ARHGEF28: variants seen among roughly 807,000 people sequenced by gnomAD.
ARHGEF28 encodes Rho guanine nucleotide exchange factor 28.
In ARHGEF28, 152 loss-of-function variants were observed where a neutral mutation model predicts 206.6. The observed-to-expected ratio is 0.74, with a 90% CI of 0.64 to 0.84. The LOEUF (loss-of-function observed/expected upper bound fraction) is 0.84. Ranked by LOEUF, ARHGEF28 falls within the 40% of genes least tolerant of loss-of-function variation. The pLI is 0.00. For missense variants in ARHGEF28, 2,028 were observed against 2,073.2 expected (o/e 0.98, Z 0.42); for synonymous variants, 763 against 776.4 (o/e 0.98, Z 0.29).
At chr5:73,867,530 G>A (rs1759786667) in intron 18 of ARHGEF28, among the ~76,000 whole-genome samples, 2 of 152,260 alleles carry the variant, frequency 1.3e-5, no homozygotes, top group East Asian at 1.9e-4. Flanking sequence ...ATAACACCTT[G>A]CAACTATTTA....
intron 7 of ARHGEF28, among the ~76,000 whole-genome samples, chr5:73,790,186 A>G (rs1045567613): frequency 1.3e-5 from 2 of 150,848 alleles, no homozygotes; most frequent in African/African-American, 2.4e-5. Context: ...TTTTTTTTCT[A>G]TTAGTGATAG....
intron 2 of ARHGEF28, among the ~76,000 whole-genome samples, chr5:73,721,913 C>G (rs761631136): frequency 2.1e-4 from 32 of 152,138 alleles, no homozygotes; most frequent in Non-Finnish European, 3.2e-4. Context: ...TAGAGATGCT[C>G]TTGGTATAAA....
chr5:73,718,956 C>T (rs568618657), intron 2 of ARHGEF28, among the ~76,000 whole-genome samples: 3 of 152,286 alleles, frequency 2.0e-5, no homozygotes, highest in East Asian at 3.9e-4. Flanking sequence ...CCTGGGCTGA[C>T]GCAAGAACAG....
intron 35 of ARHGEF28, among the ~76,000 whole-genome samples, chr5:73,928,743 T>C (rs16871052): frequency 0.017 from 2,563 of 152,254 alleles, 60 homozygotes; most frequent in African/African-American, 0.059. Flanking sequence ...ATAACTCTTT[T>C]AGTGTGGGTA....
chr5:73,654,345 G>A (rs776113512), intron 1 of ARHGEF28, among the ~76,000 whole-genome samples: 11 of 152,302 alleles, frequency 7.2e-5, no homozygotes, highest in Admixed American at 5.9e-4. Flanking sequence ...TGAGGCACTC[G>A]AGGGGCTCTC....
At chr5:73,911,652 G>C in intron 35 of ARHGEF28, 77 bp downstream of exon 35, 2 of 1,358,186 alleles carry the variant, frequency 1.5e-6, no homozygotes. Flanking sequence ...CTTGTGTAGA[G>C]TGAATCAAAG....
Position 73,926,052 on chromosome 5 carries a change from A to T in ARHGEF28, c.4948+14477A>T, listed in dbSNP as rs1313107490. Among the ~76,000 whole-genome samples the T allele has an allele frequency of 6.6e-5, 10 of 152,318 alleles. No homozygotes were observed. The East Asian group carries it at 1.9e-3, about 29-fold the overall frequency. On this transcript the variant is annotated intron_variant, in intron 35 of 35. Transcript: ENST00000513042. ...CTGTGAAATAGTGATTGTCCTGACT[A>T]CAAACCTCCATGGTGCTGAGACCAG...
chr5:73,871,681 T>C (rs1271053700), intron 21 of ARHGEF28, among the ~76,000 whole-genome samples: 1 of 152,230 alleles, frequency 6.6e-6, no homozygotes, highest in Non-Finnish European at 1.5e-5. Context: ...ATTCACGAAG[T>C]TGTGTAGCCA....
chr5:73,754,202 A>G (rs1752180827), intron 4 of ARHGEF28, among the ~76,000 whole-genome samples: 1 of 152,180 alleles, frequency 6.6e-6, no homozygotes, highest in Non-Finnish European at 1.5e-5. Context: ...GATTAAATGC[A>G]CTGCTCTGGG....
chr5:73,858,424 G>A (rs1369820501), intron 16 of ARHGEF28, among the ~76,000 whole-genome samples: 3 of 83,904 alleles, frequency 3.6e-5, no homozygotes, highest in Non-Finnish European at 7.1e-5. Flanking sequence ...AGATTTGTAT[G>A]CCTGTCTCCA....
At chr5:73,819,266 C>T (rs1426568645) in intron 9 of ARHGEF28, among the ~76,000 whole-genome samples, 1 of 152,178 alleles carries the variant, frequency 6.6e-6, no homozygotes, top group Non-Finnish European at 1.5e-5. Flanking sequence ...GTGCTTAGTA[C>T]GTTTCTTCCC....
chr5:73,679,948 C>T (rs1240139304), intron 1 of ARHGEF28, among the ~76,000 whole-genome samples: 1 of 152,088 alleles, frequency 6.6e-6, no homozygotes, highest in Non-Finnish European at 1.5e-5. Context: ...ACAAAATTAA[C>T]CATGTTGATT....
chr5:73,714,899 T>C (rs1749483403), intron 2 of ARHGEF28, among the ~76,000 whole-genome samples: 1 of 152,198 alleles, frequency 6.6e-6, no homozygotes. Flanking sequence ...TAGAATGGTT[T>C]TCTCCCTAGC....
intron 10 of ARHGEF28, among the ~76,000 whole-genome samples, chr5:73,833,002 T>C (rs1757397029): frequency 6.6e-6 from 1 of 152,210 alleles, no homozygotes. Flanking sequence ...CTTTGGAACT[T>C]TCCACCCAGT....
chr5:73,844,849 A>G (rs1302033753), intron 11 of ARHGEF28, among the ~76,000 whole-genome samples: 1 of 150,650 alleles, frequency 6.6e-6, no homozygotes, highest in East Asian at 1.9e-4. Flanking sequence ...GTTGGCCTCC[A>G]AGTTTGAGTC....
chr5:73,844,206 C>G (rs989954010), intron 11 of ARHGEF28, among the ~76,000 whole-genome samples: 3 of 152,154 alleles, frequency 2.0e-5, no homozygotes, highest in African/African-American at 4.8e-5. Context: ...ACTGATACTT[C>G]TAGGATGTAT....
Position 73,758,997 on chromosome 5 carries a change from T to A in ARHGEF28, c.475+5795T>A, listed in dbSNP as rs187357789. ...GAAAGAAAATTTTAAGGTAACCCAA[T>A]TGAACTTTTGGAACTCTTCTATAGG... is the stretch of plus-strand genomic sequence containing the variant. On this transcript the variant is annotated intron_variant, in intron 4 of 35. Coordinates refer to ENST00000513042, the MANE Select transcript of ARHGEF28 (RefSeq NM_001177693.2). Among the ~76,000 whole-genome samples the A allele has an allele frequency of 1.3e-3, 192 of 152,344 alleles. 2 individuals are homozygous for A. The highest frequency in any genetic ancestry group is 4.5e-3 in the African/African-American group (187 of 41,588).
At chr5:73,923,190 CCTT>C (rs1763616273) in intron 35 of ARHGEF28, 1 of 1,529,812 alleles carries the variant, frequency 6.5e-7, no homozygotes, top group African/African-American at 1.4e-5. Context: ...GGGTGCTTAG[CCTT>C]CTTTTAGGGT....
rs767201451 is a variant in ARHGEF28, at chr5:73,857,668, A to G, written c.1803A>G (p.Glu601=). 9 of 1,579,638 alleles carry G rather than the reference A, an allele frequency of 5.7e-6. No individual in the cohort carries two copies. The South Asian group carries it at 8.1e-5, about 14-fold the overall frequency. ...TCTGTTTTTGTAGAATTCAGGAAGAAGAATGGGATAAATACATCATACCTG... is the reference window on the plus strand; with the variant it reads ...TCTGTTTTTGTAGAATTCAGGAAGAGGAATGGGATAAATACATCATACCTG... ...EPPRENRIQE[E]EWDKYIIPAK... Residue 601 remains glutamate, a synonymous_variant, in exon 15 of 36, where the codon GAA becomes GAG. Transcript: ENST00000513042.
Sources: allele counts gnomAD v4.1 joint callset (sites outside exome capture counted in the v4.1 genomes callset), GRCh38; gene constraint gnomAD v4.1.1; transcripts MANE v1.5; gene names NCBI Gene and HGNC (gene_info 2026-07-23, HGNC 2026-07-21).